The following RBFOX1 variants were observed in gnomAD, a reference collection of about 807,000 sequenced individuals.
RBFOX1 encodes the protein RNA binding protein fox-1 homolog 1.
Under a neutral mutation model 57.7 loss-of-function variants are expected in RBFOX1, and 8 were observed. The observed-to-expected ratio is 0.14, with a 90% CI of 0.08 to 0.25. The LOEUF (loss-of-function observed/expected upper bound fraction) is 0.25. RBFOX1 is among the 10% of genes least tolerant of loss of function. The pLI is 1.00. For missense variants in RBFOX1, 611 were observed against 548.5 expected, an observed-to-expected ratio of 1.11 and a Z score of -1.14; for synonymous variants, 326 against 222.4, an observed-to-expected ratio of 1.47 and a Z score of -4.15.
At chr16:6,424,532 C>T (rs912706850) in intron 2 of RBFOX1, among the ~76,000 whole-genome samples, 1 of 152,092 alleles carries the variant, frequency 6.6e-6, no homozygotes, top group African/African-American at 2.4e-5. Flanking sequence ...GGACAGCCCT[C>T]ACTTTAAAGA....
intron 3 of RBFOX1, among the ~76,000 whole-genome samples, chr16:5,624,294 A>G (rs1409209404): frequency 6.6e-6 from 1 of 152,188 alleles, no homozygotes; most frequent in Admixed American, 6.5e-5. Context: ...TTCTGGGTTC[A>G]CACCATTCTC....
chr16:5,699,104 C>T (rs1325350568), intron 3 of RBFOX1, among the ~76,000 whole-genome samples: 1 of 151,510 alleles, frequency 6.6e-6, no homozygotes, highest in Non-Finnish European at 1.5e-5. Flanking sequence ...TCTCATGCCT[C>T]AGCCTCCCGA....
At chr16:7,071,203 G>A (rs1015611810) in intron 4 of RBFOX1, among the ~76,000 whole-genome samples, 1 of 152,092 alleles carries the variant, frequency 6.6e-6, no homozygotes, top group Non-Finnish European at 1.5e-5. Context: ...AGAGGAATTA[G>A]ATTATTCTAA....
chr16:5,925,481 A>G (rs113456404), intron 4 of RBFOX1, among the ~76,000 whole-genome samples: 1,986 of 152,306 alleles, frequency 0.013, 21 homozygotes, highest in Non-Finnish European at 0.019. Flanking sequence ...AAGTAGATTA[A>G]TGGTTGAACA....
chr16:5,257,562 G>A (rs1330296379), intron 1 of RBFOX1, among the ~76,000 whole-genome samples: 1 of 152,206 alleles, frequency 6.6e-6, no homozygotes, highest in Non-Finnish European at 1.5e-5. Context: ...AGGCTCGCAG[G>A]TGATTCTCAT....
chr16:7,362,647 T>C (rs948494439), intron 4 of RBFOX1, among the ~76,000 whole-genome samples: 2 of 151,526 alleles, frequency 1.3e-5, no homozygotes, highest in African/African-American at 4.9e-5. Flanking sequence ...CGTATCTTAG[T>C]ATGTGTATGT....
intron 2 of RBFOX1, among the ~76,000 whole-genome samples, chr16:6,542,695 T>C (rs2096839925): frequency 6.6e-6 from 1 of 151,780 alleles, no homozygotes; most frequent in South Asian, 2.1e-4. Flanking sequence ...GGTTTCACTG[T>C]GTTAGCCAGG....
chr16:7,365,490 C>T (rs996762895), intron 4 of RBFOX1, among the ~76,000 whole-genome samples: 1 of 151,964 alleles, frequency 6.6e-6, no homozygotes, highest in South Asian at 2.1e-4. Context: ...TGATTTTTTT[C>T]CCCCCCACAG....
intron 1 of RBFOX1, among the ~76,000 whole-genome samples, chr16:6,107,357 C>G (rs966497151): frequency 6.6e-6 from 1 of 152,012 alleles, no homozygotes; most frequent in African/African-American, 2.4e-5. Context: ...ATAGGTGTTG[C>G]TTCTTTGAGA....
At chr16:5,374,252 A>G (rs1468508576) in intron 1 of RBFOX1, among the ~76,000 whole-genome samples, 1 of 152,214 alleles carries the variant, frequency 6.6e-6, no homozygotes, top group Non-Finnish European at 1.5e-5. Context: ...AGTTTCAGGT[A>G]GTTATTTATA....
chr16:6,138,163 G>C (rs1019761661), intron 1 of RBFOX1, among the ~76,000 whole-genome samples: 10 of 152,198 alleles, frequency 6.6e-5, no homozygotes, highest in Admixed American at 6.5e-5. Flanking sequence ...TAAATTAACA[G>C]AATATGACTT....
rs187097339 is a variant in RBFOX1 at position 7,059,805 on chromosome 16, C to T, written c.27+7707C>T. Among the ~76,000 whole-genome samples the T allele has an allele frequency of 5.3e-5, 8 of 152,018 alleles. 1 individual carries two copies. The East Asian group carries it at 1.5e-3, about 29-fold the overall frequency. ...GAGTCAGTTGTATTTGTTCCCAGGG[C>T]TGCTTCTGCCAGCTGCACTTTTCAT... On this transcript the variant is annotated intron_variant, in intron 4 of 15. Coordinates refer to ENST00000550418, the MANE Select transcript of RBFOX1 (RefSeq NM_018723.4).
At chr16:6,799,451 C>G (rs1358375152) in intron 3 of RBFOX1, among the ~76,000 whole-genome samples, 2 of 152,076 alleles carry the variant, frequency 1.3e-5, no homozygotes, top group African/African-American at 2.4e-5. Flanking sequence ...GAGGGAGTTC[C>G]CAGAGCCATT....
At chr16:7,577,945 T>C (rs11645182) in intron 5 of RBFOX1, among the ~76,000 whole-genome samples, 48,575 of 152,098 alleles carry the variant, frequency 0.32, 8,988 homozygotes, top group East Asian at 0.53. Flanking sequence ...TTATGATTGT[T>C]TTTCTCTATT....
chr16:5,688,519 C>T (rs1424006336), intron 3 of RBFOX1, among the ~76,000 whole-genome samples: 1 of 152,142 alleles, frequency 6.6e-6, no homozygotes, highest in Non-Finnish European at 1.5e-5. Context: ...GGTTCTTGTA[C>T]CTCCCAGATG....
intron 4 of RBFOX1, among the ~76,000 whole-genome samples, chr16:7,233,824 C>T (rs7199748): frequency 0.67 from 101,612 of 152,070 alleles, 35,608 homozygotes; most frequent in East Asian, 0.96. Context: ...TGGAGTCTTA[C>T]TAAGGGCAAA....
At chr16:6,657,878 C>A (rs1318033631) in intron 3 of RBFOX1, among the ~76,000 whole-genome samples, 1 of 151,914 alleles carries the variant, frequency 6.6e-6, no homozygotes, top group Non-Finnish European at 1.5e-5. Flanking sequence ...CACAGAACCC[C>A]TATAGGATGT....
At chr16:6,071,381 A>G (rs943786319) in intron 1 of RBFOX1, among the ~76,000 whole-genome samples, 1 of 152,212 alleles carries the variant, frequency 6.6e-6, no homozygotes, top group African/African-American at 2.4e-5. Flanking sequence ...AAAGGGCAGA[A>G]AAGAATTTTT....
At chr16:7,049,163 T>C (rs2049069451) in intron 3 of RBFOX1, among the ~76,000 whole-genome samples, 1 of 152,214 alleles carries the variant, frequency 6.6e-6, no homozygotes, top group Admixed American at 6.5e-5. Context: ...TTTCTAGGGT[T>C]CCCTGTTTGT....
Sources: gnomAD v4.1 joint callset for allele counts (sites outside exome capture counted in the v4.1 genomes callset) on GRCh38, gnomAD v4.1.1 for gene constraint, MANE v1.5 for transcripts, NCBI Gene and HGNC (gene_info 2026-07-23, HGNC 2026-07-21) for gene names.